Variants in FHAD1 observed in about 807,000 individuals in gnomAD.
The protein encoded by FHAD1 is forkhead associated phosphopeptide binding domain 1.
Under a neutral mutation model 191.3 loss-of-function variants are expected in FHAD1, and 146 were observed. The ratio of observed to expected loss-of-function variants is 0.76; its 90% CI spans 0.67 to 0.88. FHAD1 has a LOEUF of 0.88. Among genes scored for constraint, FHAD1 ranks in the 40% least tolerant of loss-of-function variants. The pLI, the probability that FHAD1 is intolerant of heterozygous loss-of-function variation, is 0.00. For missense variants in FHAD1, 1,635 were observed against 1,785.8 expected, an observed-to-expected ratio of 0.92 and a Z score of 1.52; for synonymous variants, 616 against 672.3, an observed-to-expected ratio of 0.92 and a Z score of 1.29.
intron 28 of FHAD1, among the ~76,000 whole-genome samples, chr1:15,379,261 CA>C (rs1700348986): frequency 6.6e-6 from 1 of 152,198 alleles, no homozygotes; most frequent in African/African-American, 2.4e-5. Flanking sequence ...GGGAGAGGGT[CA>C]GCAGACAAAC....
At chr1:15,290,896 A>G (rs1477180693) in intron 4 of FHAD1, among the ~76,000 whole-genome samples, 2 of 151,614 alleles carry the variant, frequency 1.3e-5, no homozygotes, top group Non-Finnish European at 2.9e-5. Context: ...TTGTATTTTT[A>G]GTAGAGATGG....
In FHAD1 at chr1:15,387,020, C is replaced by T. The variant is rs2496335; in HGVS notation, c.4189-1031C>T. ...TGGGATTACAAGGCACCCACCACCA[C>T]GCCCGGCTTATTTTTGTATTTTTTT... is the stretch of plus-strand genomic sequence containing the variant. On this transcript the variant is annotated intron_variant, in intron 31 of 33. Coordinates refer to ENST00000688493, the MANE Select transcript of FHAD1 (RefSeq NM_001391957.1). Among the ~76,000 whole-genome samples the T allele has an allele frequency of 9.3e-3, 1,415 of 151,994 alleles. 29 individuals are homozygous for T. The highest frequency in any genetic ancestry group is 0.032 in the African/African-American group (1,341 of 41,440).
chr1:15,250,867 T>C (rs1646684540), intron 1 of FHAD1, among the ~76,000 whole-genome samples: 1 of 152,114 alleles, frequency 6.6e-6, no homozygotes, highest in African/African-American at 2.4e-5. Context: ...AAATAAGCTC[T>C]ATAGAAGTTT....
intron 4 of FHAD1, among the ~76,000 whole-genome samples, chr1:15,291,517 C>A (rs1413180177): frequency 6.6e-6 from 1 of 152,134 alleles, no homozygotes; most frequent in Non-Finnish European, 1.5e-5. Flanking sequence ...GCACGTATAC[C>A]ATTAACTGGA....
chr1:15,382,335 A>T (rs1701110816), intron 31 of FHAD1, 142 bp downstream of exon 31: 1 of 820,154 alleles, frequency 1.2e-6, no homozygotes, highest in Non-Finnish European at 1.9e-6. Flanking sequence ...TAGCTTTTGC[A>T]TCAGACAGAC....
chr1:15,359,425 G>T (rs1217981354), intron 21 of FHAD1, among the ~76,000 whole-genome samples: 1 of 152,136 alleles, frequency 6.6e-6, no homozygotes, highest in Non-Finnish European at 1.5e-5. Context: ...GGTGAGGTGG[G>T]AGCAGAAGGC....
chr1:15,369,292 T>G lies in FHAD1; in HGVS notation c.3315-78T>G. The G allele has an allele frequency of 6.3e-6, 9 of 1,432,678 alleles. No homozygotes were observed. In the South Asian group the frequency reaches 7.8e-5, roughly 12 times the overall value. 88.7% of individuals were successfully genotyped at this position (1,432,678 alleles called of 1,614,324 possible). On this transcript the variant is annotated intron_variant, in intron 25 of 33. Transcript: ENST00000688493. ...TGTTTCCTATAAAAATAGAGCTCCA[T>G]GTCCTGGTCTTCCAATGAGTGTAAA...
upstream of FHAD1, among the ~76,000 whole-genome samples, chr1:15,245,072 C>A (rs1298854980): frequency 4.6e-5 from 7 of 152,150 alleles, no homozygotes; most frequent in Non-Finnish European, 1.0e-4. Flanking sequence ...TTCTAACAAT[C>A]AGCTCTTTAG....
chr1:15,390,745 C>T (rs1161995250), intron 32 of FHAD1, among the ~76,000 whole-genome samples: 6 of 152,186 alleles, frequency 3.9e-5, no homozygotes, highest in African/African-American at 4.8e-5. Context: ...TTCTGGGTGA[C>T]GATGACATTC....
chr1:15,342,207 T>A (rs1370088093), intron 16 of FHAD1, among the ~76,000 whole-genome samples: 2 of 152,200 alleles, frequency 1.3e-5, no homozygotes, highest in African/African-American at 4.8e-5. Context: ...TGACAGACTG[T>A]TTCTAAATGT....
chr1:15,258,867 T>G (rs1927185), intron 2 of FHAD1, among the ~76,000 whole-genome samples: 18,598 of 151,976 alleles, frequency 0.12, 2,611 homozygotes, highest in African/African-American at 0.33. Flanking sequence ...TAATTACAGG[T>G]GTGAGCCACC....
At chr1:15,334,076 C>T (rs1026482494) in intron 14 of FHAD1, 1 of 152,086 alleles carries the variant, frequency 6.6e-6, no homozygotes, top group Non-Finnish European at 1.5e-5. Context: ...AATCAACCCA[C>T]TCAACTCCCA....
At chr1:15,320,393 C>T (rs1256884088) in intron 10 of FHAD1, among the ~76,000 whole-genome samples, 1 of 152,074 alleles carries the variant, frequency 6.6e-6, no homozygotes, top group Non-Finnish European at 1.5e-5. Context: ...AACTTAAATG[C>T]TCTTGTTGAT....
intron 26 of FHAD1, among the ~76,000 whole-genome samples, chr1:15,372,742 T>A (rs538584372): frequency 6.6e-6 from 1 of 152,240 alleles, no homozygotes; most frequent in Admixed American, 6.5e-5. Flanking sequence ...TTTTAAAAAG[T>A]ATTATAAAAG....
chr1:15,357,895 C>G, intron 20 of FHAD1: 1 of 461,708 alleles, frequency 2.2e-6, no homozygotes, highest in Non-Finnish European at 3.8e-6. Context: ...GCTCAGAGAC[C>G]AGAAATCACA....
At chr1:15,270,690 G>T (rs1655527038) in intron 2 of FHAD1, among the ~76,000 whole-genome samples, 1 of 152,130 alleles carries the variant, frequency 6.6e-6, no homozygotes, top group African/African-American at 2.4e-5. Flanking sequence ...GATAAACTTA[G>T]AAAATAGTTG....
Position 15,276,324 on chromosome 1 carries a change from C to G in FHAD1, c.300+3795C>G, listed in dbSNP as rs975226263. On this transcript the variant is annotated intron_variant, in intron 3 of 33. Transcript: ENST00000688493. The surrounding 1 kb of genome is among the most constrained non-coding windows in gnomAD (Gnocchi z 4.7). ...GCAGCCACCTGCCTCCACTGTGAGC[C>G]TTCCCATGGACAGAAAACCTCCCAA... Among the ~76,000 whole-genome samples, 5 of 152,222 alleles carry G rather than the reference C, an allele frequency of 3.3e-5. No individual in the cohort carries two copies. Among genetic ancestry groups the G allele is most frequent in the African/African-American group, 7.2e-5 (3 of 41,448 alleles).
rs1408301766 is a variant in FHAD1, at chr1:15,289,551, C to T, written c.453C>T (p.Ala151=). 6.4e-7 allele frequency: 1 copy of T among 1,551,828 alleles called. No homozygotes were observed. Among genetic ancestry groups the T allele is most frequent in the Admixed American group, 2.0e-5 (1 of 51,010 alleles). The change falls in exon 4 of 34, where the codon GCC becomes GCT. Residue 151 remains alanine (A), a synonymous_variant. Coordinates refer to ENST00000688493, the MANE Select transcript of FHAD1 (RefSeq NM_001391957.1). The surrounding 1 kb of genome is among the most constrained non-coding windows in gnomAD (Gnocchi z 4.2). ...CGATGCAAAGGAGCTGGTCCCAGGC[C>T]TTTCCCAGACCCACCGTGGTCCTGC... ...PAPMQRSWSQ[A]FPRPTVVLPA... is the part of the protein sequence containing the mutation.
intron 14 of FHAD1, among the ~76,000 whole-genome samples, chr1:15,333,476 T>G (rs1283065972): frequency 6.6e-6 from 1 of 152,206 alleles, no homozygotes; most frequent in African/African-American, 2.4e-5. Context: ...ATGATCTCAT[T>G]TCATCCTCAC....
Sources: allele counts gnomAD v4.1 joint callset (sites outside exome capture counted in the v4.1 genomes callset), GRCh38; gene constraint gnomAD v4.1.1; non-coding constraint Gnocchi (gnomAD v3.1); transcripts MANE v1.5; gene names NCBI Gene and HGNC (gene_info 2026-07-23, HGNC 2026-07-21).